The following GALNT18 variants were observed in gnomAD, a reference collection of about 807,000 sequenced individuals.
GALNT18 encodes the protein GalNAc-transferase 18.
In GALNT18, 44 loss-of-function variants were observed where a neutral mutation model predicts 69.5. That is an observed-to-expected ratio of 0.63 (90% CI 0.50 to 0.81). GALNT18 has a LOEUF of 0.81. Among genes scored for constraint, GALNT18 ranks in the 40% least tolerant of loss-of-function variants. The pLI, the probability that GALNT18 is intolerant of heterozygous loss-of-function variation, is 0.00. For synonymous variants in GALNT18, 364 were observed against 318.2 expected (o/e 1.14, Z -1.53); for missense variants, 715 against 810.0 (o/e 0.88, Z 1.42).
At position 11,619,605 on chromosome 11, in the gene GALNT18, A is replaced by T. The variant is rs1439714176; in HGVS notation, c.235+1754T>A. Among the ~76,000 whole-genome samples the T allele has an allele frequency of 2.6e-5, 4 of 152,198 alleles. No homozygotes were observed. Among genetic ancestry groups the T allele is most frequent in the Non-Finnish European group, 5.9e-5 (4 of 68,030 alleles). ...AGAGAATCATTTTCCAGGAACACAC[A>T]CACACACAGAATCTGTGAATGAAAA... On this transcript the variant is annotated intron_variant, in intron 1 of 10. Transcript: ENST00000227756. The surrounding 1 kb of genome is among the most constrained non-coding windows in gnomAD (Gnocchi z 4.9).
rs1856223502 is a variant in GALNT18, at chr11:11,469,351, CA to C, written c.236-20416del. ...GCCTGCCCCTCATTATAAGCACTTC[CA>C]AGCTTCACAGCAATAGACAGTCCTC... is the stretch of plus-strand genomic sequence containing the variant. On this transcript the variant is annotated intron_variant, in intron 1 of 10. Transcript: ENST00000227756. The surrounding 1 kb of genome is among the most constrained non-coding windows in gnomAD (Gnocchi z 4.2). Among the ~76,000 whole-genome samples, 1 of 152,170 alleles carries C rather than the reference CA, an allele frequency of 6.6e-6. No individual in the cohort carries two copies. Among genetic ancestry groups the C allele is most frequent in the Non-Finnish European group, 1.5e-5 (1 of 68,032 alleles).
chr11:11,463,329 G>C lies in GALNT18; in HGVS notation c.236-14393C>G, dbSNP rs778318853. Among the ~76,000 whole-genome samples, 1 of 152,168 alleles carries C rather than the reference G, an allele frequency of 6.6e-6. No homozygotes were observed. The highest frequency in any genetic ancestry group is 1.5e-5 in the Non-Finnish European group (1 of 68,028). On this transcript the variant is annotated intron_variant, in intron 1 of 10. Coordinates refer to ENST00000227756, the MANE Select transcript of GALNT18 (RefSeq NM_198516.3). The surrounding 1 kb of genome is among the most constrained non-coding windows in gnomAD (Gnocchi z 4.2). ...AGTGGTTGCTCACTGCTTATAGCAA[G>C]AGCATTAAAAATGTGTCATTTCAAA... is the stretch of plus-strand genomic sequence containing the variant.
chr11:11,398,487 C>T (rs757402332), intron 3 of GALNT18, among the ~76,000 whole-genome samples: 15 of 152,276 alleles, frequency 9.9e-5, no homozygotes, highest in Non-Finnish European at 1.6e-4. Context: ...ATGAGAAAAC[C>T]AAATTCAGAG....
rs147014889 is a variant in GALNT18 at position 11,513,091 on chromosome 11, G to A, written c.236-64155C>T. On this transcript the variant is annotated intron_variant, in intron 1 of 10. Coordinates refer to ENST00000227756, the MANE Select transcript of GALNT18 (RefSeq NM_198516.3). Reference sequence around the variant, plus strand: ...TTCTGGACCACAGAAATACATCTAGGGGAGAAAAGGGCAGCTGGATGAAGA... The same window carrying A: ...TTCTGGACCACAGAAATACATCTAGAGGAGAAAAGGGCAGCTGGATGAAGA... Among the ~76,000 whole-genome samples, 426 of 152,292 alleles carry A rather than the reference G, an allele frequency of 2.8e-3. 2 individuals are homozygous for A. The highest frequency in any genetic ancestry group is 9.1e-3 in the African/African-American group (378 of 41,562).
chr11:11,589,144 C>A (rs1485359747), intron 1 of GALNT18, among the ~76,000 whole-genome samples: 2 of 152,208 alleles, frequency 1.3e-5, no homozygotes, highest in South Asian at 2.1e-4. Context: ...GCCCCTCCCC[C>A]TGATGACCCC....
chr11:11,495,916 T>C (rs1245718561), intron 1 of GALNT18, among the ~76,000 whole-genome samples: 1 of 152,224 alleles, frequency 6.6e-6, no homozygotes, highest in Non-Finnish European at 1.5e-5. Flanking sequence ...CCACCTTCTC[T>C]AAGACTCCCA....
At chr11:11,297,096 T>C (rs1453214928) in intron 9 of GALNT18, among the ~76,000 whole-genome samples, 2 of 152,044 alleles carry the variant, frequency 1.3e-5, no homozygotes, top group African/African-American at 4.8e-5. Flanking sequence ...GGAGACATTT[T>C]TGGTTGTCAT....
chr11:11,373,984 G>C (rs1036866242), intron 5 of GALNT18, among the ~76,000 whole-genome samples: 1 of 152,222 alleles, frequency 6.6e-6, no homozygotes, highest in Admixed American at 6.5e-5. Context: ...TCAAGGTGGA[G>C]AAAGGCGATT....
Position 11,562,356 on chromosome 11 carries a change from T to C in GALNT18, c.235+59003A>G, listed in dbSNP as rs375272827. On this transcript the variant is annotated intron_variant, in intron 1 of 10. Coordinates refer to ENST00000227756, the MANE Select transcript of GALNT18 (RefSeq NM_198516.3). This position sits in a 1 kb window ranked among gnomAD's most constrained non-coding sequence, Gnocchi z 4.1. ...CCCCTTTAGATGTGCACACCCGTCA[T>C]ATTGGATTGGGGCCCACCCCAATGA... Among the ~76,000 whole-genome samples, 21 of 152,306 alleles carry C rather than the reference T, an allele frequency of 1.4e-4. No homozygotes were observed. In the East Asian group the frequency reaches 3.7e-3, roughly 27 times the overall value.
intron 1 of GALNT18, among the ~76,000 whole-genome samples, chr11:11,531,672 G>A (rs137861439): frequency 3.9e-5 from 6 of 152,234 alleles, no homozygotes; most frequent in African/African-American, 4.8e-5. Flanking sequence ...AGGCAGCATC[G>A]CTTCCAAAGC....
In GALNT18 at chr11:11,577,539, A is replaced by T. The variant is rs1858955602; in HGVS notation, c.235+43820T>A. Among the ~76,000 whole-genome samples, 3 of 152,172 alleles carry T rather than the reference A, an allele frequency of 2.0e-5. No individual in the cohort carries two copies. In the South Asian group the frequency reaches 6.2e-4, roughly 32 times the overall value. ...TTTCCGTTTTGTTAGAGAGAATGTC[A>T]CTGGTGAGGGCCTGCATCCATTCTC... On this transcript the variant is annotated intron_variant, in intron 1 of 10. Transcript: ENST00000227756.
At chr11:11,570,619 C>T (rs1858771200) in intron 1 of GALNT18, among the ~76,000 whole-genome samples, 1 of 152,234 alleles carries the variant, frequency 6.6e-6, no homozygotes, top group Non-Finnish European at 1.5e-5. Flanking sequence ...CCTGGCCACC[C>T]CAGCTCAGGA....
chr11:11,290,139 C>T (rs995885688), intron 10 of GALNT18, among the ~76,000 whole-genome samples: 1 of 152,102 alleles, frequency 6.6e-6, no homozygotes, highest in African/African-American at 2.4e-5. Flanking sequence ...CCTGGTGATG[C>T]CTGTCAACAT....
intron 1 of GALNT18, among the ~76,000 whole-genome samples, chr11:11,566,344 C>T (rs1390854841): frequency 6.6e-6 from 1 of 152,130 alleles, no homozygotes; most frequent in East Asian, 1.9e-4. Flanking sequence ...TTTATGAAAA[C>T]AAGCAGTGAG....
In GALNT18 at chr11:11,584,403, C is replaced by G. The variant is rs765553914; in HGVS notation, c.235+36956G>C. Among the ~76,000 whole-genome samples the G allele has an allele frequency of 8.5e-5, 13 of 152,200 alleles. No individual in the cohort carries two copies. The highest frequency in any genetic ancestry group is 1.6e-4 in the Non-Finnish European group (11 of 68,042). On this transcript the variant is annotated intron_variant, in intron 1 of 10. Transcript: ENST00000227756. This position sits in a 1 kb window ranked among gnomAD's most constrained non-coding sequence, Gnocchi z 4.1. ...CAGGAACCTTGGAGCCATCAGGTTA[C>G]TGTTGGAAAGCTGATGGGAGATGCC...
chr11:11,483,859 T>C (rs1856587085), intron 1 of GALNT18, among the ~76,000 whole-genome samples: 1 of 152,148 alleles, frequency 6.6e-6, no homozygotes, highest in South Asian at 2.1e-4. Flanking sequence ...AGTTGGTATT[T>C]AGGCTCCTTT....
chr11:11,479,501 A>G (rs80083012), intron 1 of GALNT18, among the ~76,000 whole-genome samples: 2 of 152,308 alleles, frequency 1.3e-5, no homozygotes, highest in East Asian at 3.9e-4. Flanking sequence ...TGAAATAGCT[A>G]AGGGGTTCAA....
chr11:11,543,837 G>A lies in GALNT18; in HGVS notation c.235+77522C>T, dbSNP rs1487850471. 2.0e-5 allele frequency among the ~76,000 whole-genome samples: 3 copies of A among 152,128 alleles called. No homozygotes were observed. Among genetic ancestry groups the A allele is most frequent in the Admixed American group, 6.5e-5 (1 of 15,276 alleles). The stretch of plus-strand genomic sequence containing the variant: ...TATTGCTCCCATTTCTTCTTCTGGC[G>A]CTCTGGGCTCCAATGGCTTCTGGTA... On this transcript the variant is annotated intron_variant, in intron 1 of 10. Coordinates refer to ENST00000227756, the MANE Select transcript of GALNT18 (RefSeq NM_198516.3). This position sits in a 1 kb window ranked among gnomAD's most constrained non-coding sequence, Gnocchi z 5.1.
At chr11:11,280,529 G>T (rs977910583) in intron 10 of GALNT18, among the ~76,000 whole-genome samples, 2 of 152,038 alleles carry the variant, frequency 1.3e-5, no homozygotes, top group Non-Finnish European at 2.9e-5. Context: ...CTTCCCCAGC[G>T]GCCTGCTGTT....
Sources: allele counts gnomAD v4.1 joint callset (sites outside exome capture counted in the v4.1 genomes callset), GRCh38; gene constraint gnomAD v4.1.1; non-coding constraint Gnocchi (gnomAD v3.1); transcripts MANE v1.5; gene names NCBI Gene and HGNC (gene_info 2026-07-23, HGNC 2026-07-21).